STXBP5L: variants seen among roughly 807,000 people sequenced by gnomAD.
STXBP5L encodes the protein syntaxin binding protein 5L.
A neutral mutation model predicts 144.5 loss-of-function variants in STXBP5L; 65 were observed. The observed-to-expected ratio is 0.45, with a 90% CI of 0.37 to 0.55. The LOEUF (loss-of-function observed/expected upper bound fraction) is 0.55. Among genes scored for constraint, STXBP5L ranks in the 20% least tolerant of loss-of-function variants. The probability of loss-of-function intolerance (pLI) is 0.00; values close to 1 mark genes in which losing one functional copy is unlikely to be tolerated. For missense variants in STXBP5L, 1,298 were observed against 1,405.5 expected, an observed-to-expected ratio of 0.92 and a Z score of 1.22; for synonymous variants, 505 against 469.6, an observed-to-expected ratio of 1.08 and a Z score of -0.97.
chr3:121,352,239 A>G (rs1027239590), intron 20 of STXBP5L, among the ~76,000 whole-genome samples: 5 of 152,108 alleles, frequency 3.3e-5, no homozygotes, highest in African/African-American at 1.2e-4. Context: ...TGGTAGCTTG[A>G]TGGGGATGGC....
intron 3 of STXBP5L, among the ~76,000 whole-genome samples, chr3:121,038,171 C>CT (rs1560039223): frequency 2.0e-5 from 3 of 150,938 alleles, no homozygotes; most frequent in South Asian, 2.1e-4. Flanking sequence ...TATTGTTCTC[C>CT]TTTTTTCTGG....
At position 121,381,321 on chromosome 3, in the gene STXBP5L, T is replaced by C; in HGVS notation, c.2376T>C (p.Ser792=). ...EENRENSYNR[S]RSSSISSIDK... is the part of the protein sequence containing the mutation. The stretch of plus-strand genomic sequence containing the variant: ...ACCGAGAAAATTCCTATAATCGTTC[T>C]AGAAGCTCTAGTATCTCCAGTATTG... Residue 792 remains serine, a synonymous_variant, in exon 22 of 27, where the codon TCT becomes TCC. Coordinates refer to ENST00000471454, the MANE Select transcript of STXBP5L (RefSeq NM_001308330.2). 6.3e-7 allele frequency: 1 copy of C among 1,586,828 alleles called. No homozygotes were observed. Among genetic ancestry groups the C allele is most frequent in the Non-Finnish European group, 8.5e-7 (1 of 1,172,946 alleles).
chr3:121,076,535 C>A (rs1317474747), intron 5 of STXBP5L, among the ~76,000 whole-genome samples: 2 of 152,068 alleles, frequency 1.3e-5, no homozygotes, highest in South Asian at 2.1e-4. Context: ...CCACTCAGGG[C>A]AGGTCTGAAT....
At chr3:121,105,565 C>T (rs1168988344) in intron 5 of STXBP5L, among the ~76,000 whole-genome samples, 5 of 151,906 alleles carry the variant, frequency 3.3e-5, no homozygotes, top group Admixed American at 1.3e-4. Context: ...TAGGCGTTGG[C>T]GTGGATGTGG....
chr3:121,090,101 C>G (rs973312600), intron 5 of STXBP5L, among the ~76,000 whole-genome samples: 1 of 152,016 alleles, frequency 6.6e-6, no homozygotes, highest in Admixed American at 6.6e-5. Context: ...TGAGGTTTTT[C>G]TATTTCCTAT....
At chr3:121,004,401 G>A (rs940213573) in intron 3 of STXBP5L, among the ~76,000 whole-genome samples, 1 of 152,028 alleles carries the variant, frequency 6.6e-6, no homozygotes, top group African/African-American at 2.4e-5. Flanking sequence ...CATTGATTTT[G>A]TATCCTGAGA....
chr3:121,221,094 C>T (rs2048959521), intron 10 of STXBP5L, among the ~76,000 whole-genome samples: 1 of 151,954 alleles, frequency 6.6e-6, no homozygotes, highest in South Asian at 2.1e-4. Context: ...AAAATGAGGA[C>T]ATTGCTTATG....
chr3:120,971,638 T>TACACACACACAC (rs10576644), intron 3 of STXBP5L, among the ~76,000 whole-genome samples: 2 of 146,298 alleles, frequency 1.4e-5, no homozygotes, highest in African/African-American at 5.0e-5. Context: ...CATGCATACA[T>TACACACACACAC]ACACACACAC....
chr3:120,978,987 G>A (rs886470677), intron 3 of STXBP5L, among the ~76,000 whole-genome samples: 2 of 152,164 alleles, frequency 1.3e-5, no homozygotes, highest in Non-Finnish European at 2.9e-5. Context: ...GCTGCTTGGG[G>A]GTCAGGGGTC....
chr3:121,349,635 G>A lies in STXBP5L; in HGVS notation c.2177-29081G>A, dbSNP rs528458309. On this transcript the variant is annotated intron_variant, in intron 20 of 26. Transcript: ENST00000471454. ...CTAAGGACTTGCTTTATGAATCTGGGTACCCCTGTATTGGGGGCATATATA... is the reference window on the plus strand; with the variant it reads ...CTAAGGACTTGCTTTATGAATCTGGATACCCCTGTATTGGGGGCATATATA... Among the ~76,000 whole-genome samples the A allele has an allele frequency of 3.9e-5, 6 of 152,134 alleles. No individual in the cohort carries two copies. In the South Asian group the frequency reaches 1.0e-3, roughly 26 times the overall value.
At chr3:121,358,024 C>G (rs192902722) in intron 20 of STXBP5L, 3 of 152,170 alleles carry the variant, frequency 2.0e-5, no homozygotes, top group Non-Finnish European at 4.4e-5. Flanking sequence ...TTATGGGGCA[C>G]ATGAGATGTT....
intron 5 of STXBP5L, among the ~76,000 whole-genome samples, chr3:121,097,407 C>A (rs997256985): frequency 6.6e-6 from 1 of 152,168 alleles, no homozygotes; most frequent in Non-Finnish European, 1.5e-5. Flanking sequence ...AATGGCCACC[C>A]AGTTTTGTGC....
At chr3:121,052,443 A>G (rs1948090371) in intron 5 of STXBP5L, among the ~76,000 whole-genome samples, 1 of 152,206 alleles carries the variant, frequency 6.6e-6, no homozygotes, top group East Asian at 1.9e-4. Context: ...GGTTCAATAT[A>G]CGCAAATCAA....
rs75231525 is a variant in STXBP5L, at chr3:120,960,910, A to T, written c.287+5873A>T. Among the ~76,000 whole-genome samples the T allele has an allele frequency of 6.8e-5, 10 of 147,250 alleles. No homozygotes were observed. The South Asian group carries it at 8.6e-4, about 13-fold the overall frequency. On this transcript the variant is annotated intron_variant, in intron 3 of 26. Transcript: ENST00000471454. ...TGTACCCTAAAACTTAAAGTATAAT[A>T]AAAAAAAAAGGAATTCAGCCATGAT...
chr3:121,038,075 T>C (rs1372906849), intron 3 of STXBP5L, among the ~76,000 whole-genome samples: 1 of 152,018 alleles, frequency 6.6e-6, no homozygotes, highest in Non-Finnish European at 1.5e-5. Context: ...ATTAATTTCA[T>C]TGAATTTTTC....
chr3:120,974,194 C>A (rs1004237505), intron 3 of STXBP5L, among the ~76,000 whole-genome samples: 2 of 152,288 alleles, frequency 1.3e-5, no homozygotes, highest in African/African-American at 4.8e-5. Context: ...CACATCCTCT[C>A]TAGCACCTGT....
intron 5 of STXBP5L, among the ~76,000 whole-genome samples, chr3:121,080,549 G>C (rs2042208950): frequency 6.6e-6 from 1 of 152,122 alleles, no homozygotes; most frequent in Admixed American, 6.6e-5. Flanking sequence ...TTGTATGTCT[G>C]AAAAAGACTT....
chr3:121,071,298 T>A (rs565686458), intron 5 of STXBP5L, among the ~76,000 whole-genome samples: 1 of 152,342 alleles, frequency 6.6e-6, no homozygotes, highest in East Asian at 1.9e-4. Flanking sequence ...AACCCGCATT[T>A]AGTTATCTAT....
At chr3:121,380,282 C>A (rs1431556088) in intron 21 of STXBP5L, among the ~76,000 whole-genome samples, 1 of 152,030 alleles carries the variant, frequency 6.6e-6, no homozygotes, top group East Asian at 1.9e-4. Context: ...TTATGACAAA[C>A]AATTATTTTT....
Sources: gnomAD v4.1 joint callset for allele counts (sites outside exome capture counted in the v4.1 genomes callset) on GRCh38, gnomAD v4.1.1 for gene constraint, MANE v1.5 for transcripts, NCBI Gene and HGNC (gene_info 2026-07-23, HGNC 2026-07-21) for gene names.